The following NCKAP1 variants were observed in gnomAD, a reference collection of about 807,000 sequenced individuals.
NCKAP1 encodes the protein nck-associated protein 1.
In NCKAP1, 21 loss-of-function variants were observed where a neutral mutation model predicts 151.2. That is an observed-to-expected ratio of 0.14 (90% CI 0.10 to 0.20). The LOEUF is 0.20. Ranked by LOEUF, NCKAP1 falls within the 10% of genes least tolerant of loss-of-function variation. The probability of loss-of-function intolerance (pLI) is 1.00; values close to 1 mark genes in which losing one functional copy is unlikely to be tolerated. For missense variants in NCKAP1, 933 were observed against 1,352.1 expected, an observed-to-expected ratio of 0.69 and a Z score of 4.86; for synonymous variants, 484 against 451.8, an observed-to-expected ratio of 1.07 and a Z score of -0.90.
chr2:183,002,323 C>G (rs1268899511), intron 4 of NCKAP1, 54 bp from the exon 5 acceptor site: 1 of 1,243,016 alleles, frequency 8.0e-7, no homozygotes, highest in East Asian at 2.4e-5. Context: ...AAATTTTAAA[C>G]ACACACAAAA....
intron 7 of NCKAP1, among the ~76,000 whole-genome samples, 158 bp from the exon 8 acceptor site, chr2:182,995,045 C>T (rs543396630): frequency 2.1e-4 from 32 of 152,278 alleles, no homozygotes; most frequent in African/African-American, 7.7e-4. Context: ...GTTTTATTAC[C>T]TATACTGAAA....
Position 182,963,771 on chromosome 2 carries a change from GA to G in NCKAP1, c.1761+904del, listed in dbSNP as rs552377798. On this transcript the variant is annotated intron_variant, in intron 17 of 30. Transcript: ENST00000361354. ...TACATCTCAGGTGTCAAGTTTGGGA[GA>G]AAAAAATCTATTAAATCTAAAAAAT... Among the ~76,000 whole-genome samples the G allele has an allele frequency of 3.4e-4, 52 of 152,052 alleles. No homozygotes were observed. The East Asian group carries it at 6.0e-3, about 18-fold the overall frequency.
rs573529081 is a variant in NCKAP1, at chr2:182,945,589, C to A, written c.2602-3426G>T. Among the ~76,000 whole-genome samples, 338 of 151,890 alleles carry A rather than the reference C, an allele frequency of 2.2e-3. 2 individuals carry two copies. Among genetic ancestry groups the A allele is most frequent in the African/African-American group, 7.7e-3 (321 of 41,432 alleles). On this transcript the variant is annotated intron_variant, in intron 23 of 30. Transcript: ENST00000361354. ...TTTTCAGAGGGATATTTGGTAATAT[C>A]AAAAAAAATTAATGTTCATATTCTT...
intron 8 of NCKAP1, among the ~76,000 whole-genome samples, chr2:182,991,483 T>G (rs1698169931): frequency 6.6e-6 from 1 of 151,966 alleles, no homozygotes; most frequent in Non-Finnish European, 1.5e-5. Context: ...CGCTTGAACT[T>G]GGGAGGTGGA....
chr2:182,984,423 G>GGTGTGTGTGTGTGTGTGTGTGTGT lies in NCKAP1; in HGVS notation c.1005-1065_1005-1042dup, dbSNP rs4018678. Among the ~76,000 whole-genome samples the GGTGTGTGTGTGTGTGTGTGTGTGT allele has an allele frequency of 3.0e-3, 437 of 144,384 alleles. 6 individuals carry two copies. The highest frequency in any genetic ancestry group is 4.8e-3 in the Non-Finnish European group (305 of 64,142). 94.7% of individuals were successfully genotyped at this position (144,384 alleles called of 152,430 possible). A position where few individuals can be genotyped will look rare whatever the true frequency, so the allele number is the denominator to read the frequency against. On this transcript the variant is annotated intron_variant, in intron 10 of 30. Transcript: ENST00000361354. ...AAGAAAGTTTTAGAATTTAGATTGGGGTGTGTGTGTGTGTGTGTGTGTGTG... is the reference window on the plus strand; with the variant it reads ...AAGAAAGTTTTAGAATTTAGATTGGGGTGTGTGTGTGTGTGTGTGTGTGTGTGTGTGTGTGTGTGTGTGTGTGTG...
chr2:182,973,435 T>C (rs1697740358), intron 15 of NCKAP1, among the ~76,000 whole-genome samples: 1 of 151,968 alleles, frequency 6.6e-6, no homozygotes, highest in South Asian at 2.1e-4. Flanking sequence ...CACAACAGAA[T>C]GAGATCACTT....
chr2:182,960,708 C>G (rs1220303876), intron 18 of NCKAP1, among the ~76,000 whole-genome samples: 3 of 152,160 alleles, frequency 2.0e-5, no homozygotes, highest in African/African-American at 7.2e-5. Context: ...AAAGCAATAG[C>G]AACAAAAGCC....
At chr2:182,946,548 C>A (rs765384160) in intron 23 of NCKAP1, among the ~76,000 whole-genome samples, 2 of 151,420 alleles carry the variant, frequency 1.3e-5, no homozygotes, top group Non-Finnish European at 1.5e-5. Context: ...ACATGTCATT[C>A]GCCCATATAA....
chr2:182,982,664 T>C (rs566375747), intron 12 of NCKAP1, among the ~76,000 whole-genome samples, 157 bp downstream of exon 12: 136 of 152,322 alleles, frequency 8.9e-4, no homozygotes, highest in African/African-American at 3.1e-3. Flanking sequence ...GAAGGTAGGC[T>C]AGGCTAAGCT....
At chr2:182,940,513 G>A (rs1207802987) in intron 24 of NCKAP1, among the ~76,000 whole-genome samples, 2 of 151,768 alleles carry the variant, frequency 1.3e-5, no homozygotes, top group African/African-American at 2.4e-5. Flanking sequence ...TATCTCAGCC[G>A]ACTGCAACCT....
chr2:183,017,721 AG>A (rs1363680835), intron 2 of NCKAP1, among the ~76,000 whole-genome samples: 1 of 152,194 alleles, frequency 6.6e-6, no homozygotes, highest in Non-Finnish European at 1.5e-5. Flanking sequence ...TTGAAGCCAC[AG>A]CAGTAAGTGT....
At chr2:183,028,222 G>A (rs190294861) in intron 1 of NCKAP1, among the ~76,000 whole-genome samples, 1 of 151,574 alleles carries the variant, frequency 6.6e-6, no homozygotes, top group East Asian at 1.9e-4. Flanking sequence ...GACTAAAAGA[G>A]GTATTTCACT....
In NCKAP1 at chr2:182,952,546, T is replaced by C. The variant is rs1697235157; in HGVS notation, c.2504-44A>G. The C allele has an allele frequency of 2.2e-6, 3 of 1,390,678 alleles. No individual in the cohort carries two copies. The South Asian group carries it at 3.8e-5, about 18-fold the overall frequency. The allele number at this position is 1,390,678 out of a possible 1,614,324, so 86.1% of individuals were successfully genotyped here. On this transcript the variant is annotated intron_variant, in intron 22 of 30. Transcript: ENST00000361354. ...AATTTTATACTTCCGACAGAGCAAATACTTTAAGAAAATGAACATTAACAC... is the reference window on the plus strand; with the variant it reads ...AATTTTATACTTCCGACAGAGCAAACACTTTAAGAAAATGAACATTAACAC...
At position 183,038,059 on chromosome 2, in the gene NCKAP1, G is replaced by A. The variant is rs1446241923; in HGVS notation, c.41C>T (p.Ala14Val). The change falls in exon 1 of 31, where the codon GCG becomes GTG. Residue 14 changes from alanine (A) to valine (V), a missense_variant. Ala to Val is a moderately conservative substitution (Grantham distance 64). Around this residue, in one of 2 missense-constraint regions of NCKAP1, gnomAD observed 607 missense variants for 795.0 expected, o/e 0.76. Transcript: ENST00000361354. ...GTCGTTGAGGATGGTGAGCTTCTCC[G>A]CCAGCTTCTGCTGACTGGGCTGCAG... is the stretch of plus-strand genomic sequence containing the variant. ...SVLQPSQQKL[A>V]EKLTILNDRG... 2 of 1,587,094 alleles carry A rather than the reference G, an allele frequency of 1.3e-6. No individual in the cohort carries two copies. Among genetic ancestry groups the A allele is most frequent in the African/African-American group, 2.7e-5 (2 of 72,838 alleles).
intron 2 of NCKAP1, among the ~76,000 whole-genome samples, chr2:183,008,367 T>G (rs775519342): frequency 1.4e-4 from 21 of 152,208 alleles, no homozygotes; most frequent in Non-Finnish European, 2.6e-4. Context: ...CTAACATTAT[T>G]TCAATACAAA....
At chr2:182,927,589 G>C in intron 29 of NCKAP1, among the ~76,000 whole-genome samples, 1 of 151,928 alleles carries the variant, frequency 6.6e-6, no homozygotes, top group East Asian at 1.9e-4. Context: ...TAAAAACCAT[G>C]TTTCATGAGG....
chr2:182,976,010 T>C (rs963790469), intron 15 of NCKAP1, among the ~76,000 whole-genome samples: 3 of 152,166 alleles, frequency 2.0e-5, no homozygotes, highest in Admixed American at 6.5e-5. Context: ...TAAAAAAATA[T>C]AGGCCAGTTA....
rs908650569 is a variant in NCKAP1, at chr2:182,925,804, A to G, written c.3285T>C (p.Ser1095=). ...YLLLDMIVQE[S]PFLTMDLLES... is the part of the protein sequence containing the mutation. ...CCAAAAGATCCATTGTAAGGAATGG[A>G]GATTCTTGTACAATCTGTAAAATTC... Residue 1095 remains serine (S), a synonymous_variant, in exon 31 of 31, where the codon TCT becomes TCC. Transcript: ENST00000361354. The G allele has an allele frequency of 6.4e-7, 1 of 1,567,256 alleles. No homozygotes were observed. The highest frequency in any genetic ancestry group is 8.6e-7 in the Non-Finnish European group (1 of 1,156,706).
At chr2:182,948,917 C>G (rs1452555383) in intron 23 of NCKAP1, among the ~76,000 whole-genome samples, 1 of 152,060 alleles carries the variant, frequency 6.6e-6, no homozygotes, top group East Asian at 1.9e-4. Flanking sequence ...TGGTTCAGGG[C>G]ACTATTCTCT....
Sources: gnomAD v4.1 joint callset for allele counts (sites outside exome capture counted in the v4.1 genomes callset) on GRCh38, gnomAD v4.1.1 for gene constraint, gnomAD v4.1.1 regional missense constraint, MANE v1.5 for transcripts, NCBI Gene and HGNC (gene_info 2026-07-23, HGNC 2026-07-21) for gene names.